The following CD1B variants were observed in gnomAD, a reference collection of about 807,000 sequenced individuals.
The protein encoded by CD1B is T-cell surface glycoprotein CD1b.
Under a neutral mutation model 39.8 loss-of-function variants are expected in CD1B, and 43 were observed. The observed-to-expected ratio is 1.08, with a 90% confidence interval of 0.85 to 1.39. The LOEUF (loss-of-function observed/expected upper bound fraction) is 1.39. CD1B is among the 40% of genes most tolerant of loss of function. The pLI is 0.00. For synonymous variants in CD1B, 192 were observed against 152.5 expected (o/e 1.26, Z -1.91); for missense variants, 495 against 403.8 (o/e 1.23, Z -1.94).
At chr1:158,304,168 G>A in the CD1B span, among the ~76,000 whole-genome samples, 3 of 152,054 alleles carry the variant, frequency 2.0e-5, no homozygotes, top group Non-Finnish European at 2.9e-5. Context: ...AAGCACAAGG[G>A]GTCAGGGAAT....
the CD1B span, among the ~76,000 whole-genome samples, chr1:158,317,153 G>T: frequency 6.6e-6 from 1 of 151,928 alleles, no homozygotes; most frequent in East Asian, 1.9e-4. Flanking sequence ...CCCGGCTTTG[G>T]TATCAGAATG....
downstream of CD1B, among the ~76,000 whole-genome samples, chr1:158,326,166 G>T (rs1311938320): frequency 6.6e-6 from 1 of 151,924 alleles, no homozygotes; most frequent in Non-Finnish European, 1.5e-5. Context: ...TAGAGATGGG[G>T]TTTCACCGTG....
the CD1B span, among the ~76,000 whole-genome samples, chr1:158,312,425 C>T: frequency 2.0e-5 from 3 of 152,204 alleles, no homozygotes; most frequent in East Asian, 5.8e-4. Flanking sequence ...TCCAAATAAA[C>T]CTCTTTCTTT....
chr1:158,317,297 T>A, the CD1B span, among the ~76,000 whole-genome samples: 4 of 152,198 alleles, frequency 2.6e-5, no homozygotes, highest in Non-Finnish European at 5.9e-5. Flanking sequence ...GGTCCTGGAC[T>A]CTTTTTTGTT....
chr1:158,325,158 G>A (rs1652308714), downstream of CD1B, among the ~76,000 whole-genome samples: 1 of 152,008 alleles, frequency 6.6e-6, no homozygotes, highest in African/African-American at 2.4e-5. Flanking sequence ...AATAAGTGAA[G>A]AATGTTTAAT....
At chr1:158,299,331 A>G in the CD1B span, among the ~76,000 whole-genome samples, 31 of 152,272 alleles carry the variant, frequency 2.0e-4, no homozygotes, top group African/African-American at 6.5e-4. Flanking sequence ...TGATTTGCAT[A>G]TGTTGAACCA....
At chr1:158,318,547 C>CT in the CD1B span, among the ~76,000 whole-genome samples, 1 of 152,078 alleles carries the variant, frequency 6.6e-6, no homozygotes, top group Admixed American at 6.6e-5. Flanking sequence ...TATTTTTAGC[C>CT]TGTGTGTGTC....
the CD1B span, among the ~76,000 whole-genome samples, chr1:158,311,274 A>G: frequency 1.3e-5 from 2 of 152,068 alleles, no homozygotes; most frequent in African/African-American, 4.8e-5. Flanking sequence ...TTCCCTACTG[A>G]TTAGTCATGT....
chr1:158,315,478 T>A, the CD1B span, among the ~76,000 whole-genome samples: 1 of 152,064 alleles, frequency 6.6e-6, no homozygotes, highest in Non-Finnish European at 1.5e-5. Flanking sequence ...TCTGTTCATG[T>A]CCTTTGCCCA....
the CD1B span, among the ~76,000 whole-genome samples, chr1:158,314,894 A>C: frequency 2.8e-5 from 4 of 145,448 alleles, no homozygotes; most frequent in African/African-American, 1.0e-4. Context: ...CCTATGAGTG[A>C]GAATATGCGG....
the CD1B span, chr1:158,291,458 A>G: frequency 6.4e-7 from 1 of 1,562,100 alleles, no homozygotes; most frequent in African/African-American, 1.4e-5. Context: ...TCAGGGAAAT[A>G]TTCTCTACTA....
chr1:158,302,131 C>G, the CD1B span, among the ~76,000 whole-genome samples: 1 of 152,022 alleles, frequency 6.6e-6, no homozygotes, highest in Non-Finnish European at 1.5e-5. Context: ...AAATCAAGAT[C>G]AAGAAGAGCT....
chr1:158,328,889 T>TAAA (rs113639863), intron 5 of CD1B, 32 bp downstream of exon 5: 21 of 1,157,144 alleles, frequency 1.8e-5, no homozygotes, highest in Non-Finnish European at 1.9e-5. Context: ...AAAGACATAT[T>TAAA]AAAAAAAAAA....
At chr1:158,291,021 G>A in the CD1B span, 5 of 1,105,662 alleles carry the variant, frequency 4.5e-6, no homozygotes, top group Admixed American at 1.1e-4. Flanking sequence ...TATAGCTAAA[G>A]TAGTCATTAA....
the CD1B span, among the ~76,000 whole-genome samples, chr1:158,306,492 C>G: frequency 6.6e-6 from 1 of 152,154 alleles, no homozygotes; most frequent in Admixed American, 6.5e-5. Context: ...GAGATTTTAA[C>G]ACCCCACTGT....
chr1:158,318,421 T>C, the CD1B span, among the ~76,000 whole-genome samples: 1 of 152,096 alleles, frequency 6.6e-6, no homozygotes, highest in African/African-American at 2.4e-5. Flanking sequence ...TCTGTAATGG[T>C]CTTCTTTGTC....
downstream of CD1B, among the ~76,000 whole-genome samples, chr1:158,324,015 C>T (rs1429258892): frequency 6.6e-6 from 1 of 152,120 alleles, no homozygotes; most frequent in Non-Finnish European, 1.5e-5. Context: ...CTTGTGTGAG[C>T]AGTAATAAAC....
At chr1:158,308,115 C>G in the CD1B span, among the ~76,000 whole-genome samples, 76 of 152,312 alleles carry the variant, frequency 5.0e-4, no homozygotes, top group Middle Eastern at 0.01. Context: ...TCTCCTTAAG[C>G]TGATAGGCAA....
chr1:158,292,573 A>G, the CD1B span: 1 of 1,606,438 alleles, frequency 6.2e-7, no homozygotes, highest in Non-Finnish European at 8.5e-7. Flanking sequence ...TCTTCATCAG[A>G]ACACTTTTTC....
Sources: allele counts gnomAD v4.1 joint callset (sites outside exome capture counted in the v4.1 genomes callset), GRCh38; gene constraint gnomAD v4.1.1; transcripts MANE v1.5; gene names NCBI Gene and HGNC (gene_info 2026-07-23, HGNC 2026-07-21).